Variants in TBC1D8 observed in about 807,000 individuals in gnomAD.
TBC1D8 encodes the protein TBC1 domain family member 8.
In TBC1D8, 65 loss-of-function variants were observed where a neutral mutation model predicts 118.8. The ratio of observed to expected loss-of-function variants is 0.55; its 90% CI spans 0.45 to 0.67. The LOEUF (loss-of-function observed/expected upper bound fraction) is 0.67. TBC1D8 is among the 30% of genes least tolerant of loss of function. The probability of loss-of-function intolerance (pLI) is 0.00; values close to 1 mark genes in which losing one functional copy is unlikely to be tolerated. For missense variants in TBC1D8, 1,376 were observed against 1,471.2 expected (o/e 0.94, Z 1.06); for synonymous variants, 566 against 595.8 (o/e 0.95, Z 0.73).
intron 4 of TBC1D8, among the ~76,000 whole-genome samples, chr2:101,053,283 T>C (rs1682182440): frequency 6.6e-6 from 1 of 152,142 alleles, no homozygotes; most frequent in Non-Finnish European, 1.5e-5. Flanking sequence ...CAGGGCACAC[T>C]CCGAGGGTGT....
At chr2:101,059,917 C>T (rs955123835) in intron 2 of TBC1D8, among the ~76,000 whole-genome samples, 1 of 151,874 alleles carries the variant, frequency 6.6e-6, no homozygotes, top group South Asian at 2.1e-4. Flanking sequence ...CCAGCCTGGG[C>T]GAGAGTGCGA....
chr2:101,034,327 C>G (rs1203352236), intron 9 of TBC1D8, among the ~76,000 whole-genome samples: 4 of 152,222 alleles, frequency 2.6e-5, no homozygotes, highest in African/African-American at 7.2e-5. Context: ...CAAGCATGCA[C>G]ATACACACAC....
At chr2:101,009,979 G>A (rs963484715) in intron 19 of TBC1D8, among the ~76,000 whole-genome samples, 3 of 151,658 alleles carry the variant, frequency 2.0e-5, no homozygotes, top group Admixed American at 6.6e-5. Context: ...CCGCCACCAC[G>A]TCCAGCTAAT....
At chr2:101,119,331 C>T (rs1677997925) in intron 1 of TBC1D8, among the ~76,000 whole-genome samples, 3 of 150,560 alleles carry the variant, frequency 2.0e-5, no homozygotes, top group African/African-American at 7.4e-5. Flanking sequence ...ATACAAACCA[C>T]CCTACTTACG....
chr2:101,028,333 A>G lies in TBC1D8; in HGVS notation c.2322T>C (p.Asp774=), dbSNP rs1680467459. Residue 774 remains aspartate (D), a synonymous_variant, in exon 13 of 20, where the codon GAT becomes GAC. Coordinates refer to ENST00000409318, the MANE Select transcript of TBC1D8 (RefSeq NM_001330348.2). ...SDDQEPYPVT[D]ISDLIRDSYE... Reference sequence around the variant, plus strand: ...AGGAATCCCGGATCAGGTCCGAAATATCAGTCACAGGGTAGGGCTCCTGGT... The same window carrying G: ...AGGAATCCCGGATCAGGTCCGAAATGTCAGTCACAGGGTAGGGCTCCTGGT... The G allele has an allele frequency of 6.2e-7, 1 of 1,613,014 alleles. No homozygotes were observed. The highest frequency in any genetic ancestry group is 8.5e-7 in the Non-Finnish European group (1 of 1,179,506).
intron 17 of TBC1D8, 22 bp from the exon 18 acceptor site, chr2:101,011,562 T>TG: frequency 1.2e-6 from 2 of 1,612,954 alleles, no homozygotes; most frequent in Middle Eastern, 1.7e-4. Context: ...ATGAGAGGTT[T>TG]AAATTAAACA....
chr2:101,010,884 A>G (rs538873094), intron 19 of TBC1D8, 45 bp downstream of exon 19: 1 of 1,310,088 alleles, frequency 7.6e-7, no homozygotes, highest in Admixed American at 2.1e-5. Flanking sequence ...TCCATCTCAA[A>G]AAAAAAAAAA....
At chr2:101,043,558 T>C (rs1037808210) in intron 5 of TBC1D8, among the ~76,000 whole-genome samples, 2 of 152,210 alleles carry the variant, frequency 1.3e-5, no homozygotes. Flanking sequence ...ATGGTGAGTA[T>C]TCAAATCACA....
At chr2:101,125,013 C>T (rs1311489486) in intron 1 of TBC1D8, among the ~76,000 whole-genome samples, 1 of 152,216 alleles carries the variant, frequency 6.6e-6, no homozygotes, top group African/African-American at 2.4e-5. Flanking sequence ...AGGTTCGTGA[C>T]ATTTGTGTGT....
chr2:101,039,596 A>G (rs1219137124), intron 6 of TBC1D8, among the ~76,000 whole-genome samples: 1 of 152,216 alleles, frequency 6.6e-6, no homozygotes, highest in Non-Finnish European at 1.5e-5. Context: ...CCCTGAAGCC[A>G]AAGGACTGAG....
rs1428829303 is a variant in TBC1D8, at chr2:101,063,412, T to C, written c.284-3873A>G. On this transcript the variant is annotated intron_variant, in intron 2 of 19. Coordinates refer to ENST00000409318, the MANE Select transcript of TBC1D8 (RefSeq NM_001330348.2). ...CATAAAAAAAACTATCACTGAGCTA[T>C]AGTAAGCTTTTGTTCCAATCTACCC... Among the ~76,000 whole-genome samples the C allele has an allele frequency of 3.9e-5, 6 of 152,194 alleles. No homozygotes were observed. In the South Asian group the frequency reaches 1.2e-3, roughly 32 times the overall value.
At chr2:101,052,675 A>G (rs1428164189) in intron 4 of TBC1D8, among the ~76,000 whole-genome samples, 3 of 151,942 alleles carry the variant, frequency 2.0e-5, no homozygotes, top group East Asian at 1.9e-4. Flanking sequence ...CGGGGTTTCC[A>G]CTGTGCCTGA....
chr2:101,126,606 A>T (rs1341691768), intron 1 of TBC1D8, among the ~76,000 whole-genome samples: 2 of 152,240 alleles, frequency 1.3e-5, no homozygotes, highest in African/African-American at 2.4e-5. Flanking sequence ...TGATAGATAT[A>T]CAGAGAGAGG....
Position 101,059,478 on chromosome 2 carries a change from G to C in TBC1D8, c.345C>G (p.Thr115=). The C allele has an allele frequency of 6.2e-7, 1 of 1,613,942 alleles. No individual in the cohort carries two copies. Among genetic ancestry groups the C allele is most frequent in the Admixed American group, 1.7e-5 (1 of 60,002 alleles). ...CATCTTTATTATCAAAGACAGACAAGGTGTGGAGGAGATTTTGTTCCAGCC... is the reference window on the plus strand; with the variant it reads ...CATCTTTATTATCAAAGACAGACAACGTGTGGAGGAGATTTTGTTCCAGCC... ...WDWLEQNLLH[T]LSVFDNKDDI... Residue 115 remains threonine, a synonymous_variant, in exon 3 of 20, where the codon ACC becomes ACG. Coordinates refer to ENST00000409318, the MANE Select transcript of TBC1D8 (RefSeq NM_001330348.2).
At chr2:101,027,489 G>C (rs762554532) in intron 14 of TBC1D8, 38 bp from the exon 15 acceptor site, 1 of 1,600,086 alleles carries the variant, frequency 6.2e-7, no homozygotes, top group Non-Finnish European at 8.6e-7. Flanking sequence ...GTGAAATCTA[G>C]GCCTGCACCC....
At chr2:101,141,849 T>TA (rs61545419) in intron 1 of TBC1D8, among the ~76,000 whole-genome samples, 21,774 of 140,794 alleles carry the variant, frequency 0.15, 1,958 homozygotes, top group East Asian at 0.29. Context: ...TAAAAAAAAC[T>TA]AAAAAAAAGG....
At chr2:101,093,306 C>A (rs1482760282) in intron 1 of TBC1D8, among the ~76,000 whole-genome samples, 1 of 152,096 alleles carries the variant, frequency 6.6e-6, no homozygotes, top group Non-Finnish European at 1.5e-5. Context: ...GCAACCCTAG[C>A]CCCAGCACTG....
intron 5 of TBC1D8, among the ~76,000 whole-genome samples, chr2:101,047,316 A>G (rs558139426): frequency 6.6e-6 from 1 of 152,334 alleles, no homozygotes; most frequent in African/African-American, 2.4e-5. Context: ...GTCCTGCTGG[A>G]GTGGCCACAC....
At chr2:101,017,854 A>T in intron 17 of TBC1D8, 1 of 1,550,892 alleles carries the variant, frequency 6.4e-7, no homozygotes, top group Non-Finnish European at 8.7e-7. Flanking sequence ...GCAATTCCCA[A>T]TTAGGTCTTC....
Sources: gnomAD v4.1 joint callset for allele counts (sites outside exome capture counted in the v4.1 genomes callset) on GRCh38, gnomAD v4.1.1 for gene constraint, MANE v1.5 for transcripts, NCBI Gene and HGNC (gene_info 2026-07-23, HGNC 2026-07-21) for gene names.